The following RNF121 variants were observed in gnomAD, a reference collection of about 807,000 sequenced individuals.
RNF121 encodes the protein E3 ubiquitin ligase RNF121.
RNF121 carries 21 observed loss-of-function variants against 46.5 expected under a neutral mutation model. The observed-to-expected ratio is 0.45, with a 90% CI of 0.32 to 0.65. The LOEUF is 0.65. Among genes scored for constraint, RNF121 ranks in the 30% least tolerant of loss-of-function variants. The pLI, the probability that RNF121 is intolerant of heterozygous loss-of-function variation, is 0.04. For missense variants in RNF121, 346 were observed against 416.0 expected (o/e 0.83, Z 1.46); for synonymous variants, 139 against 144.7 (o/e 0.96, Z 0.28).
intron 4 of RNF121, 28 bp downstream of exon 4, chr11:71,982,943 C>G (rs1954693844): frequency 3.8e-6 from 6 of 1,567,344 alleles, no homozygotes; most frequent in Non-Finnish European, 4.3e-6. Context: ...GGGAAGAGCC[C>G]AGGTTTTCCG....
chr11:71,993,030 TC>T (rs1209669058), intron 6 of RNF121, among the ~76,000 whole-genome samples: 2 of 152,200 alleles, frequency 1.3e-5, no homozygotes, highest in Non-Finnish European at 2.9e-5. Context: ...AGGGACTTTG[TC>T]CCTCAGTATC....
At chr11:71,975,813 T>C (rs1305621859) in intron 3 of RNF121, among the ~76,000 whole-genome samples, 2 of 152,198 alleles carry the variant, frequency 1.3e-5, no homozygotes, top group Non-Finnish European at 2.9e-5. Flanking sequence ...TACTTTGTGC[T>C]CCTCTGAAAG....
At chr11:71,968,327 T>C (rs902428663) in intron 3 of RNF121, among the ~76,000 whole-genome samples, 1 of 152,198 alleles carries the variant, frequency 6.6e-6, no homozygotes, top group African/African-American at 2.4e-5. Flanking sequence ...CGCAAAGTGC[T>C]GGGATGACAG....
chr11:71,958,277 CT>C (rs1346015970), intron 2 of RNF121, among the ~76,000 whole-genome samples: 8 of 152,110 alleles, frequency 5.3e-5, no homozygotes, highest in African/African-American at 1.9e-4. Context: ...GTTAAAAGAT[CT>C]AGAACTGTTA....
chr11:71,997,195 T>C lies in RNF121; in HGVS notation c.*880T>C, dbSNP rs992370319. ...CACTTCCTTCTTGAAAGCCTAAGAGTGCGTATGCGTGTGTGTGTGTGTGTG... is the reference window on the plus strand; with the variant it reads ...CACTTCCTTCTTGAAAGCCTAAGAGCGCGTATGCGTGTGTGTGTGTGTGTG... On this transcript the variant is annotated 3_prime_UTR_variant, in exon 9 of 9. Transcript: ENST00000361756. The C allele has an allele frequency of 4.0e-5, 3 of 74,366 alleles. No homozygotes were observed. The highest frequency in any genetic ancestry group is 1.0e-4 in the Non-Finnish European group (3 of 29,642). 4.6% of individuals were successfully genotyped at this position (74,366 alleles called of 1,614,324 possible).
intron 1 of RNF121, 150 bp from the exon 2 acceptor site, chr11:71,957,077 G>A: frequency 1.4e-6 from 1 of 714,416 alleles, no homozygotes. Context: ...AGATCAGTGT[G>A]AAATAGAATG....
At chr11:71,951,844 A>T (rs1317397201) in intron 1 of RNF121, among the ~76,000 whole-genome samples, 3 of 152,146 alleles carry the variant, frequency 2.0e-5, no homozygotes, top group African/African-American at 7.2e-5. Flanking sequence ...GGATATGGAG[A>T]AATTGGAACC....
chr11:71,976,607 C>T (rs1954532372), intron 3 of RNF121, among the ~76,000 whole-genome samples: 2 of 152,044 alleles, frequency 1.3e-5, no homozygotes, highest in Non-Finnish European at 1.5e-5. Flanking sequence ...ATCTGCCTGC[C>T]TCGGCCTCCC....
intron 3 of RNF121, among the ~76,000 whole-genome samples, chr11:71,964,397 T>G (rs561697283): frequency 1.7e-4 from 26 of 151,646 alleles, no homozygotes; most frequent in African/African-American, 6.3e-4. Context: ...GTTTTTAAAG[T>G]TTTTTTTAGG....
At chr11:71,981,274 T>A (rs1387268074) in intron 3 of RNF121, among the ~76,000 whole-genome samples, 1 of 152,064 alleles carries the variant, frequency 6.6e-6, no homozygotes. Context: ...ATGGTCTCAA[T>A]CTCCTGACCT....
At chr11:71,978,926 C>T (rs1332931888) in intron 3 of RNF121, among the ~76,000 whole-genome samples, 1 of 152,166 alleles carries the variant, frequency 6.6e-6, no homozygotes, top group African/African-American at 2.4e-5. Context: ...CTGATCATTT[C>T]AGTGTATCAT....
chr11:71,936,637 A>G (rs941471779), intron 1 of RNF121, among the ~76,000 whole-genome samples: 3 of 151,468 alleles, frequency 2.0e-5, no homozygotes, highest in African/African-American at 4.8e-5. Flanking sequence ...CTTGTGATCC[A>G]CCCGCCTCGG....
chr11:71,969,123 G>T (rs1455333741), intron 3 of RNF121, among the ~76,000 whole-genome samples: 2 of 151,966 alleles, frequency 1.3e-5, no homozygotes, highest in Admixed American at 1.3e-4. Flanking sequence ...CTGACCTCAG[G>T]TGATCCACCT....
chr11:71,960,615 T>G, intron 2 of RNF121, 135 bp from the exon 3 acceptor site: 1 of 1,003,082 alleles, frequency 1.0e-6, no homozygotes, highest in Non-Finnish European at 1.4e-6. Context: ...TAGCCCCTAA[T>G]TTGTGTGGTA....
chr11:71,931,616 C>T (rs543909168), intron 1 of RNF121, among the ~76,000 whole-genome samples: 176 of 152,196 alleles, frequency 1.2e-3, no homozygotes, highest in African/African-American at 4.2e-3. Flanking sequence ...AAGACAGGAT[C>T]TTTACCAATT....
chr11:71,937,142 G>A (rs1302450547), intron 1 of RNF121, among the ~76,000 whole-genome samples: 4 of 152,078 alleles, frequency 2.6e-5, no homozygotes, highest in Admixed American at 6.5e-5. Context: ...TTCTGCTCCC[G>A]TAGCGCCCTG....
At chr11:71,988,013 C>T (rs1476989901) in intron 5 of RNF121, among the ~76,000 whole-genome samples, 1 of 152,296 alleles carries the variant, frequency 6.6e-6, no homozygotes. Context: ...AGCTGACATT[C>T]GACAAGATTT....
chr11:71,954,964 T>C (rs1953957699), intron 1 of RNF121, among the ~76,000 whole-genome samples: 1 of 152,208 alleles, frequency 6.6e-6, no homozygotes. Flanking sequence ...GTGCTTAATA[T>C]ATGCTCAGCT....
intron 1 of RNF121, among the ~76,000 whole-genome samples, chr11:71,947,257 G>A (rs138131011): frequency 0.013 from 2,052 of 152,030 alleles, 47 homozygotes; most frequent in African/African-American, 0.047. Context: ...CCTGTAATCC[G>A]AGCACTTTGG....
Sources: allele counts gnomAD v4.1 joint callset (sites outside exome capture counted in the v4.1 genomes callset), GRCh38; gene constraint gnomAD v4.1.1; transcripts MANE v1.5; gene names NCBI Gene and HGNC (gene_info 2026-07-23, HGNC 2026-07-21).